The following LMCD1 variants were observed in gnomAD, a reference collection of about 807,000 sequenced individuals.
LMCD1 encodes LIM and cysteine-rich domains protein 1.
In LMCD1, 32 loss-of-function variants were observed where a neutral mutation model predicts 42.7. The observed-to-expected ratio is 0.75, with a 90% CI of 0.57 to 1.01. The LOEUF is 1.01. Ranked by LOEUF, LMCD1 falls within the 50% of genes least tolerant of loss-of-function variation. The pLI, the probability that LMCD1 is intolerant of heterozygous loss-of-function variation, is 0.00. For missense variants in LMCD1, 458 were observed against 483.1 expected, an observed-to-expected ratio of 0.95 and a Z score of 0.49; for synonymous variants, 178 against 184.9, an observed-to-expected ratio of 0.96 and a Z score of 0.30.
chr3:8,550,317 A>G (rs989864490), intron 4 of LMCD1: 2 of 997,102 alleles, frequency 2.0e-6, no homozygotes, highest in Non-Finnish European at 2.4e-6. Flanking sequence ...ATGGCAATTA[A>G]CTTTTGGAGA....
chr3:8,560,945 T>C (rs1381156470), intron 4 of LMCD1, among the ~76,000 whole-genome samples: 2 of 152,218 alleles, frequency 1.3e-5, no homozygotes, highest in African/African-American at 2.4e-5. Context: ...TAGGCAGTCA[T>C]TCAAGAGCTC....
chr3:8,506,891 A>G (rs970444220), intron 1 of LMCD1, among the ~76,000 whole-genome samples: 9 of 152,328 alleles, frequency 5.9e-5, no homozygotes, highest in African/African-American at 2.2e-4. Context: ...CCTTTACACC[A>G]GATCATCTCC....
At chr3:8,542,415 G>A (rs764794664) in intron 3 of LMCD1, among the ~76,000 whole-genome samples, 7 of 152,164 alleles carry the variant, frequency 4.6e-5, no homozygotes, top group African/African-American at 1.2e-4. Flanking sequence ...GACACCCAAT[G>A]CCAGTGCAGA....
At position 8,572,024 on chromosome 3, in the gene LMCD1, T is replaced by C. The variant is rs1340905361; in HGVS notation, c.*4426T>C. The C allele has an allele frequency of 6.6e-6, 1 of 152,252 alleles. No individual in the cohort carries two copies. The highest frequency in any genetic ancestry group is 2.4e-5 in the African/African-American group (1 of 41,476). 9.4% of individuals were successfully genotyped at this position (152,252 alleles called of 1,614,324 possible). ...CAAGTGTCACCAGCTGTCCCAATAATGTCTTTTATAACAAAAACATTCAGT... is the reference window on the plus strand; with the variant it reads ...CAAGTGTCACCAGCTGTCCCAATAACGTCTTTTATAACAAAAACATTCAGT... On this transcript the variant is annotated 3_prime_UTR_variant, in exon 6 of 6. Coordinates refer to ENST00000157600, the MANE Select transcript of LMCD1 (RefSeq NM_014583.4).
chr3:8,544,492 C>T (rs535110100), intron 3 of LMCD1, among the ~76,000 whole-genome samples: 1 of 152,270 alleles, frequency 6.6e-6, no homozygotes, highest in Admixed American at 6.5e-5. Context: ...ACCAATGGGG[C>T]GTCTGCAGCC....
chr3:8,512,724 T>A (rs1479641470), intron 1 of LMCD1, among the ~76,000 whole-genome samples: 1 of 152,226 alleles, frequency 6.6e-6, no homozygotes, highest in Non-Finnish European at 1.5e-5. Context: ...GAAATCATCC[T>A]ATATTTATTT....
intron 1 of LMCD1, among the ~76,000 whole-genome samples, chr3:8,526,062 A>G (rs1487181051): frequency 6.6e-6 from 1 of 152,224 alleles, no homozygotes; most frequent in Non-Finnish European, 1.5e-5. Flanking sequence ...TTGCTGAACC[A>G]GAGTGTGCAT....
In LMCD1 at chr3:8,552,004, G is replaced by A. The variant is rs148034783; in HGVS notation, c.723+3101G>A. On this transcript the variant is annotated intron_variant, in intron 4 of 5. Transcript: ENST00000157600. ...GGACTCAGCCTGACACCCCAAAACC[G>A]AACAGAGATTAACGGGAGAAAAACG... is the stretch of plus-strand genomic sequence containing the variant. Among the ~76,000 whole-genome samples the A allele has an allele frequency of 7.2e-3, 1,091 of 152,270 alleles. 8 individuals are homozygous for A. The highest frequency in any genetic ancestry group is 0.017 in the African/African-American group (725 of 41,550).
At chr3:8,543,121 C>T (rs1482480316) in intron 3 of LMCD1, among the ~76,000 whole-genome samples, 2 of 152,160 alleles carry the variant, frequency 1.3e-5, no homozygotes, top group African/African-American at 4.8e-5. Context: ...CGAAATCCTT[C>T]TTTAGATTCT....
At chr3:8,531,736 C>T (rs1694416029) in intron 1 of LMCD1, among the ~76,000 whole-genome samples, 1 of 152,176 alleles carries the variant, frequency 6.6e-6, no homozygotes, top group South Asian at 2.1e-4. Flanking sequence ...TAGGGCACAC[C>T]TGAGTCTTAT....
chr3:8,541,286 G>A (rs1322317186), intron 3 of LMCD1, among the ~76,000 whole-genome samples: 2 of 152,112 alleles, frequency 1.3e-5, no homozygotes, highest in African/African-American at 4.8e-5. Flanking sequence ...GCAGTGGCTC[G>A]CACCTGTAAT....
intron 1 of LMCD1, among the ~76,000 whole-genome samples, chr3:8,508,018 A>G (rs966597730): frequency 6.6e-5 from 10 of 152,228 alleles, no homozygotes; most frequent in Non-Finnish European, 1.3e-4. Flanking sequence ...CACCAGGAGT[A>G]TACTGTCACC....
chr3:8,544,375 A>G (rs1233437882), intron 3 of LMCD1, among the ~76,000 whole-genome samples: 1 of 152,138 alleles, frequency 6.6e-6, no homozygotes, highest in Non-Finnish European at 1.5e-5. Context: ...CACCTTGAAA[A>G]GCATTCAGAG....
In LMCD1 at chr3:8,554,910, A is replaced by T. The variant is rs76032551; in HGVS notation, c.723+6007A>T. Among the ~76,000 whole-genome samples the T allele has an allele frequency of 6.7e-3, 1,014 of 152,154 alleles. 11 individuals are homozygous for T. Among genetic ancestry groups the T allele is most frequent in the South Asian group, 1.0e-2 (48 of 4,816 alleles). ...AAGCCAGAGCATAGCCTTTAATGTG[A>T]TCTCTACTCTTTAGCATTTACCATT... On this transcript the variant is annotated intron_variant, in intron 4 of 5. Transcript: ENST00000157600.
chr3:8,543,131 T>G (rs1207470642), intron 3 of LMCD1, among the ~76,000 whole-genome samples: 3 of 152,140 alleles, frequency 2.0e-5, no homozygotes, highest in Non-Finnish European at 2.9e-5. Flanking sequence ...CTTTAGATTC[T>G]GGAAGCAGGG....
intron 3 of LMCD1, among the ~76,000 whole-genome samples, chr3:8,543,386 AGATAGATAGAT>A (rs1214564969): frequency 0.041 from 3,836 of 92,718 alleles, 58 homozygotes; most frequent in Non-Finnish European, 0.052. Context: ...GCTGATAGAT[AGATAGATAGAT>A]GATAGATAGA....
In LMCD1 at chr3:8,541,582, A is replaced by G. The variant is rs201619493; in HGVS notation, c.387+4142A>G. On this transcript the variant is annotated intron_variant, in intron 3 of 5. Coordinates refer to ENST00000157600, the MANE Select transcript of LMCD1 (RefSeq NM_014583.4). The stretch of plus-strand genomic sequence containing the variant: ...AGAAAAATCAAGAAAGGTCCTTAGG[A>G]AAAACATAAAACCTAAACCAACCTT... Among the ~76,000 whole-genome samples the G allele has an allele frequency of 3.9e-5, 6 of 152,374 alleles. No individual in the cohort carries two copies. In the East Asian group the frequency reaches 1.2e-3, roughly 29 times the overall value.
At chr3:8,531,489 A>G (rs1694410878) in intron 1 of LMCD1, among the ~76,000 whole-genome samples, 2 of 152,168 alleles carry the variant, frequency 1.3e-5, no homozygotes, top group Admixed American at 6.5e-5. Context: ...GCACGTTACT[A>G]TATTATCTCG....
Position 8,567,853 on chromosome 3 carries a change from G to A in LMCD1, c.*255G>A, listed in dbSNP as rs753991855. 3.2e-5 allele frequency: 9 copies of A among 277,180 alleles called. No homozygotes were observed. Among genetic ancestry groups the A allele is most frequent in the Non-Finnish European group, 6.0e-5 (9 of 150,644 alleles). 17.2% of individuals were successfully genotyped at this position (277,180 alleles called of 1,614,324 possible). ...TTAGGATGGAGTTCCTTTTCTTTCT[G>A]TTGTTGTTTCCCAGCTACAACCAAC... On this transcript the variant is annotated 3_prime_UTR_variant, in exon 6 of 6. Transcript: ENST00000157600.
Sources: gnomAD v4.1 joint callset for allele counts (sites outside exome capture counted in the v4.1 genomes callset) on GRCh38, gnomAD v4.1.1 for gene constraint, MANE v1.5 for transcripts, NCBI Gene and HGNC (gene_info 2026-07-23, HGNC 2026-07-21) for gene names.